DLGAP1: variants seen among roughly 807,000 people sequenced by gnomAD.
DLGAP1 encodes DLG associated protein 1.
In DLGAP1, 11 loss-of-function variants were observed where a neutral mutation model predicts 90.8. The ratio of observed to expected loss-of-function variants is 0.12; its 90% CI spans 0.08 to 0.20. The LOEUF is 0.20. DLGAP1 is among the 10% of genes least tolerant of loss of function. The pLI is 1.00. For missense variants in DLGAP1, 1,050 were observed against 1,333.8 expected (o/e 0.79, Z 3.31); for synonymous variants, 558 against 540.7 (o/e 1.03, Z -0.44).
rs754450426 is a variant in DLGAP1 at position 4,383,301 on chromosome 18, A to G, written c.-267+71705T>C. 2.6e-5 allele frequency among the ~76,000 whole-genome samples: 4 copies of G among 152,206 alleles called. No individual in the cohort carries two copies. The highest frequency in any genetic ancestry group is 4.4e-5 in the Non-Finnish European group (3 of 68,026). On this transcript the variant is annotated intron_variant, in intron 1 of 12. Coordinates refer to ENST00000315677, the MANE Select transcript of DLGAP1 (RefSeq NM_004746.4). The surrounding 1 kb of genome is among the most constrained non-coding windows in gnomAD (Gnocchi z 4.0). ...TAAAATTCAACTACTGTGCAAGCAT[A>G]TTTATTAATGAGTAAAATAATATGT...
intron 5 of DLGAP1, among the ~76,000 whole-genome samples, chr18:3,764,481 T>A (rs2064123151): frequency 6.6e-6 from 1 of 152,254 alleles, no homozygotes; most frequent in Non-Finnish European, 1.5e-5. Context: ...ATCTACTGTT[T>A]CCAATGCTAT....
At chr18:3,796,662 C>G (rs756172977) in intron 5 of DLGAP1, among the ~76,000 whole-genome samples, 1 of 152,152 alleles carries the variant, frequency 6.6e-6, no homozygotes, top group Non-Finnish European at 1.5e-5. Context: ...AGCCGCTTAG[C>G]CACTGAGCTA....
chr18:4,201,427 G>A (rs1350292873), intron 1 of DLGAP1, among the ~76,000 whole-genome samples: 2 of 152,028 alleles, frequency 1.3e-5, no homozygotes, highest in African/African-American at 4.8e-5. Context: ...AGATCAGTTG[G>A]TTGTAGGTAT....
intron 1 of DLGAP1, among the ~76,000 whole-genome samples, chr18:4,284,273 T>C (rs969090963): frequency 3.3e-5 from 5 of 150,442 alleles, no homozygotes; most frequent in Admixed American, 3.3e-4. Flanking sequence ...AGGTATAATG[T>C]CGGCTCTTCC....
At position 3,552,807 on chromosome 18, in the gene DLGAP1, C is replaced by A. The variant is rs541224606; in HGVS notation, c.2057+14683G>T. On this transcript the variant is annotated intron_variant, in intron 9 of 12. Coordinates refer to ENST00000315677, the MANE Select transcript of DLGAP1 (RefSeq NM_004746.4). ...TCCATCTTCATCCCCGCTTTCAGAG[C>A]GCCCAATGCCACCCATCCACATGCA... Among the ~76,000 whole-genome samples, 6 of 152,268 alleles carry A rather than the reference C, an allele frequency of 3.9e-5. No homozygotes were observed. In the South Asian group the frequency reaches 1.2e-3, roughly 32 times the overall value.
intron 1 of DLGAP1, among the ~76,000 whole-genome samples, chr18:4,393,088 C>T (rs1185709636): frequency 6.6e-6 from 1 of 152,196 alleles, no homozygotes; most frequent in Non-Finnish European, 1.5e-5. Context: ...CAAATTCCTA[C>T]AGTTGGTTTC....
rs897171047 is a variant in DLGAP1, at chr18:4,227,359, G to T, written c.-266-76072C>A. Among the ~76,000 whole-genome samples, 3 of 151,898 alleles carry T rather than the reference G, an allele frequency of 2.0e-5. No homozygotes were observed. In the East Asian group the frequency reaches 5.8e-4, roughly 29 times the overall value. On this transcript the variant is annotated intron_variant, in intron 1 of 12. Coordinates refer to ENST00000315677, the MANE Select transcript of DLGAP1 (RefSeq NM_004746.4). ...GCACCTAGACCAAATGGACCTAATA[G>T]ATATTTACAGAACATTTCATCCAAC...
At chr18:4,316,046 A>T (rs902146323) in intron 1 of DLGAP1, among the ~76,000 whole-genome samples, 6 of 152,176 alleles carry the variant, frequency 3.9e-5, no homozygotes, top group African/African-American at 9.7e-5. Context: ...CTAAGAATGA[A>T]TTTTTTTGTA....
chr18:3,856,686 C>T (rs927728052), intron 4 of DLGAP1, among the ~76,000 whole-genome samples: 18 of 151,914 alleles, frequency 1.2e-4, no homozygotes, highest in African/African-American at 4.4e-4. Flanking sequence ...ACAGTGAAAC[C>T]CCGTCTCTAC....
intron 5 of DLGAP1, among the ~76,000 whole-genome samples, chr18:3,805,240 G>T (rs979253090): frequency 6.6e-6 from 1 of 152,214 alleles, no homozygotes; most frequent in Non-Finnish European, 1.5e-5. Context: ...TTGAAGTGGC[G>T]TGATGTTACT....
At chr18:3,765,130 C>CTTTTTTTTT (rs1212463684) in intron 5 of DLGAP1, among the ~76,000 whole-genome samples, 1 of 113,236 alleles carries the variant, frequency 8.8e-6, no homozygotes. Context: ...TTTTTTTTTT[C>CTTTTTTTTT]TTTTTTTTTT....
rs146028203 is a variant in DLGAP1 at position 3,694,461 on chromosome 18, T to C, written c.1591+34674A>G. ...GTTCTAGATCCTTGAGGATCTACAC[T>C]GTCTTCCACAATGGTTGAACTAATT... On this transcript the variant is annotated intron_variant, in intron 7 of 12. Coordinates refer to ENST00000315677, the MANE Select transcript of DLGAP1 (RefSeq NM_004746.4). Among the ~76,000 whole-genome samples, 112 of 152,288 alleles carry C rather than the reference T, an allele frequency of 7.4e-4. 1 individual carries two copies. In the East Asian group the frequency reaches 0.019, roughly 26 times the overall value.
chr18:3,943,451 G>GTT (rs11453774), intron 3 of DLGAP1, among the ~76,000 whole-genome samples: 51,632 of 131,048 alleles, frequency 0.39, 10,847 homozygotes, highest in East Asian at 0.49. Context: ...GAAAGAGAGG[G>GTT]TTTTTTTTTT....
intron 5 of DLGAP1, among the ~76,000 whole-genome samples, chr18:3,768,133 A>G (rs2064341164): frequency 6.6e-6 from 1 of 152,174 alleles, no homozygotes; most frequent in Non-Finnish European, 1.5e-5. Context: ...AACATACAAA[A>G]ATCAGTTGTA....
chr18:3,504,272 T>G (rs2050096282), intron 11 of DLGAP1, among the ~76,000 whole-genome samples: 1 of 152,168 alleles, frequency 6.6e-6, no homozygotes, highest in Admixed American at 6.5e-5. Context: ...TCAGACATCG[T>G]TAGAATAGAT....
At chr18:3,602,387 A>T (rs2081915663) in intron 7 of DLGAP1, among the ~76,000 whole-genome samples, 1 of 152,232 alleles carries the variant, frequency 6.6e-6, no homozygotes, top group Non-Finnish European at 1.5e-5. Flanking sequence ...CGAGGTCAGG[A>T]GATCGAGACC....
At chr18:4,020,192 C>T (rs945975922) in intron 2 of DLGAP1, among the ~76,000 whole-genome samples, 2 of 152,104 alleles carry the variant, frequency 1.3e-5, no homozygotes, top group African/African-American at 4.8e-5. Context: ...GATGTTAATG[C>T]TGGAGGGGTA....
Position 3,880,115 on chromosome 18 carries a change from G to T in DLGAP1, c.-47C>A, listed in dbSNP as rs1262514318. ...AGGGTCATGGACACCCGGAAGTCAG[G>T]CTCCAGACCCGTCTTGGGCAGGGAT... is the stretch of plus-strand genomic sequence containing the variant. On this transcript the variant is annotated 5_prime_UTR_variant, in exon 4 of 13. Coordinates refer to ENST00000315677, the MANE Select transcript of DLGAP1 (RefSeq NM_004746.4). 1 of 1,559,190 alleles carries T rather than the reference G, an allele frequency of 6.4e-7. No homozygotes were observed. Among genetic ancestry groups the T allele is most frequent in the Non-Finnish European group, 8.7e-7 (1 of 1,146,578 alleles).
intron 7 of DLGAP1, among the ~76,000 whole-genome samples, chr18:3,633,088 A>G (rs1463451783): frequency 2.0e-5 from 3 of 151,814 alleles, no homozygotes; most frequent in Admixed American, 2.0e-4. Context: ...GCTTCTACCT[A>G]CTCTAGGTAC....
Sources: gnomAD v4.1 joint callset for allele counts (sites outside exome capture counted in the v4.1 genomes callset) on GRCh38, gnomAD v4.1.1 for gene constraint, Gnocchi (gnomAD v3.1) non-coding constraint, MANE v1.5 for transcripts, NCBI Gene and HGNC (gene_info 2026-07-23, HGNC 2026-07-21) for gene names.